CPSF6: variants seen among roughly 807,000 people sequenced by gnomAD.
CPSF6 encodes the protein cleavage and polyadenylation specific factor 6, also known as cleavage and polyadenylation specificity factor subunit 6.
A neutral mutation model predicts 56.7 loss-of-function variants in CPSF6; 10 were observed. The ratio of observed to expected loss-of-function variants is 0.18; its 90% CI spans 0.11 to 0.30. The LOEUF is 0.30. Among genes scored for constraint, CPSF6 ranks in the 10% least tolerant of loss-of-function variants. CPSF6 has a pLI of 1.00. For synonymous variants in CPSF6, 248 were observed against 244.8 expected, an observed-to-expected ratio of 1.01 and a Z score of -0.12; for missense variants, 419 against 722.9, an observed-to-expected ratio of 0.58 and a Z score of 4.82.
intron 2 of CPSF6, among the ~76,000 whole-genome samples, chr12:69,252,835 T>C (rs1441183707): frequency 6.6e-6 from 1 of 152,190 alleles, no homozygotes; most frequent in Non-Finnish European, 1.5e-5. Flanking sequence ...ATATACCTTC[T>C]AGTTTCTGAA....
At chr12:69,251,399 T>C in intron 2 of CPSF6, 61 bp downstream of exon 2, 1 of 1,095,116 alleles carries the variant, frequency 9.1e-7, no homozygotes, top group Non-Finnish European at 1.3e-6. Context: ...GCTCTAGTAA[T>C]TAATGTTTTT....
At chr12:69,249,157 G>GA (rs1329463518) in intron 1 of CPSF6, among the ~76,000 whole-genome samples, 1 of 65,124 alleles carries the variant, frequency 1.5e-5, no homozygotes, top group Non-Finnish European at 3.0e-5. Context: ...CTACTCGGGG[G>GA]GGGGGGGGGG....
At chr12:69,253,868 G>A (rs1872372817) in intron 3 of CPSF6, among the ~76,000 whole-genome samples, 1 of 151,998 alleles carries the variant, frequency 6.6e-6, no homozygotes, top group Admixed American at 6.6e-5. Context: ...TGTAAATAAT[G>A]TTGCAGCAGA....
chr12:69,257,131 A>G (rs559481614), intron 4 of CPSF6, among the ~76,000 whole-genome samples: 2 of 152,246 alleles, frequency 1.3e-5, no homozygotes, highest in Middle Eastern at 3.2e-3. Context: ...AGATACAGAA[A>G]GAAACTACAT....
intron 9 of CPSF6, among the ~76,000 whole-genome samples, chr12:69,266,274 G>T (rs1380593442): frequency 6.6e-6 from 1 of 151,978 alleles, no homozygotes; most frequent in Non-Finnish European, 1.5e-5. Context: ...GCTTCATCTG[G>T]ATATGTATGC....
rs1356332847 is a variant in CPSF6 at position 69,270,001 on chromosome 12, G to A, written c.*493G>A. On this transcript the variant is annotated 3_prime_UTR_variant, in exon 10 of 10. Transcript: ENST00000435070. ...CACCTCAGGGAAAGTCTTGTGTTCA[G>A]CAATATCTAAAGATAATGTTACTAT... 1 of 152,330 alleles carries A rather than the reference G, an allele frequency of 6.6e-6. No homozygotes were observed. The highest frequency in any genetic ancestry group is 2.4e-5 in the African/African-American group (1 of 41,406). The allele number at this position is 152,330 out of a possible 1,614,324, so 9.4% of individuals were successfully genotyped here.
chr12:69,268,158 A>T (rs1054530075), intron 9 of CPSF6, among the ~76,000 whole-genome samples: 2 of 151,848 alleles, frequency 1.3e-5, no homozygotes, highest in African/African-American at 4.8e-5. Flanking sequence ...TGTAGTGCAG[A>T]TAATAAAAAT....
intron 9 of CPSF6, among the ~76,000 whole-genome samples, chr12:69,263,114 G>A (rs866663752): frequency 6.6e-6 from 1 of 151,348 alleles, no homozygotes; most frequent in African/African-American, 2.4e-5. Context: ...TTTTAGAAGA[G>A]ACACTATCCT....
At chr12:69,268,948 A>G (rs1393054421) in intron 9 of CPSF6, among the ~76,000 whole-genome samples, 1 of 151,874 alleles carries the variant, frequency 6.6e-6, no homozygotes, top group African/African-American at 2.4e-5. Context: ...ATTAATTTAA[A>G]TGTCCATACT....
chr12:69,244,310 A>T (rs574518174), intron 1 of CPSF6, among the ~76,000 whole-genome samples: 8 of 152,018 alleles, frequency 5.3e-5, no homozygotes, highest in Non-Finnish European at 7.4e-5. Flanking sequence ...ATCTTGGCTC[A>T]CCGCAACCTC....
chr12:69,243,839 A>G (rs547127162), intron 1 of CPSF6, among the ~76,000 whole-genome samples: 1 of 152,306 alleles, frequency 6.6e-6, no homozygotes, highest in South Asian at 2.1e-4. Context: ...GCTTACTGTA[A>G]TGTTTTCACT....
At chr12:69,245,093 A>G (rs984043728) in intron 1 of CPSF6, among the ~76,000 whole-genome samples, 2 of 91,018 alleles carry the variant, frequency 2.2e-5, no homozygotes, top group South Asian at 3.0e-4. Flanking sequence ...CTCCGTCTCT[A>G]TTTAAAAAAA....
chr12:69,253,710 A>G (rs528358143), intron 3 of CPSF6, among the ~76,000 whole-genome samples: 1 of 152,260 alleles, frequency 6.6e-6, no homozygotes, highest in East Asian at 1.9e-4. Context: ...ATGGAATTAT[A>G]ATTCATGTGT....
intron 1 of CPSF6, among the ~76,000 whole-genome samples, chr12:69,246,227 A>G (rs865924687): frequency 3.3e-5 from 5 of 152,366 alleles, no homozygotes; most frequent in South Asian, 2.1e-4. Flanking sequence ...CTTTACGTTC[A>G]GTCATTATGT....
intron 2 of CPSF6, 75 bp from the exon 3 acceptor site, chr12:69,252,976 C>T: frequency 2.5e-6 from 2 of 800,592 alleles, no homozygotes; most frequent in Non-Finnish European, 2.0e-6. Context: ...TCAAATTTCC[C>T]CTTAAAAACT....
intron 1 of CPSF6, among the ~76,000 whole-genome samples, chr12:69,244,754 A>G (rs1351308791): frequency 6.6e-6 from 1 of 151,624 alleles, no homozygotes; most frequent in Non-Finnish European, 1.5e-5. Flanking sequence ...CTAGGCCTGC[A>G]CAGGGTCAGG....
chr12:69,251,399 TTAA>T, intron 2 of CPSF6, 61 bp downstream of exon 2: 2 of 1,095,116 alleles, frequency 1.8e-6, no homozygotes, highest in Non-Finnish European at 2.6e-6. Context: ...GCTCTAGTAA[TTAA>T]TGTTTTTCTC....
rs1873363179 is a variant in CPSF6, at chr12:69,273,682, G to A, written c.*4174G>A. 6.6e-6 allele frequency: 1 copy of A among 151,704 alleles called. No homozygotes were observed. The highest frequency in any genetic ancestry group is 2.4e-5 in the African/African-American group (1 of 41,332). The allele number at this position is 151,704 out of a possible 1,614,324, so 9.4% of individuals were successfully genotyped here. ...AGTTAAATTATTTTAAAATAACTAT[G>A]GTGAATTCATGTTTATTTTTTTACT... On this transcript the variant is annotated 3_prime_UTR_variant, in exon 10 of 10. Coordinates refer to ENST00000435070, the MANE Select transcript of CPSF6 (RefSeq NM_007007.3).
intron 9 of CPSF6, among the ~76,000 whole-genome samples, chr12:69,263,429 A>G (rs1391468892): frequency 6.6e-6 from 1 of 151,982 alleles, no homozygotes; most frequent in Non-Finnish European, 1.5e-5. Flanking sequence ...TATATTTGTT[A>G]ATAGCATTTA....
Sources: allele counts gnomAD v4.1 joint callset (sites outside exome capture counted in the v4.1 genomes callset), GRCh38; gene constraint gnomAD v4.1.1; transcripts MANE v1.5; gene names NCBI Gene and HGNC (gene_info 2026-07-23, HGNC 2026-07-21).